CAMTA1: variants seen among roughly 807,000 people sequenced by gnomAD.
The protein encoded by CAMTA1 is calmodulin-binding transcription activator 1.
CAMTA1 carries 27 observed loss-of-function variants against 170.9 expected under a neutral mutation model. The observed-to-expected ratio is 0.16, with a 90% CI of 0.12 to 0.22. The LOEUF (loss-of-function observed/expected upper bound fraction) is 0.22. Among genes scored for constraint, CAMTA1 ranks in the 10% least tolerant of loss-of-function variants. The pLI, the probability that CAMTA1 is intolerant of heterozygous loss-of-function variation, is 1.00. For missense variants in CAMTA1, 1,619 were observed against 2,217.2 expected (o/e 0.73, Z 5.42); for synonymous variants, 833 against 891.5 (o/e 0.93, Z 1.17).
At chr1:7,156,188 C>A (rs772531392) in intron 4 of CAMTA1, among the ~76,000 whole-genome samples, 1 of 151,070 alleles carries the variant, frequency 6.6e-6, no homozygotes, top group Non-Finnish European at 1.5e-5. Context: ...GCAGGAGAAT[C>A]GCTTGAACCT....
At chr1:6,931,683 C>A (rs573621157) in intron 3 of CAMTA1, among the ~76,000 whole-genome samples, 1 of 152,186 alleles carries the variant, frequency 6.6e-6, no homozygotes, top group Non-Finnish European at 1.5e-5. Flanking sequence ...GCCTACGCTA[C>A]GTGGCTGGGC....
chr1:6,824,870 G>T (rs1646932675), intron 2 of CAMTA1, among the ~76,000 whole-genome samples: 1 of 152,128 alleles, frequency 6.6e-6, no homozygotes, highest in African/African-American at 2.4e-5. Flanking sequence ...ATGTCAGGGA[G>T]CACAAGCCCG....
chr1:7,277,501 G>C (rs1396925630), intron 5 of CAMTA1, among the ~76,000 whole-genome samples: 1 of 143,022 alleles, frequency 7.0e-6, no homozygotes, highest in Non-Finnish European at 1.5e-5. Flanking sequence ...GTAAGAGAGA[G>C]AGACTCATTC....
chr1:7,741,540 C>T (rs10864312), intron 16 of CAMTA1, among the ~76,000 whole-genome samples: 27,741 of 150,144 alleles, frequency 0.18, 2,739 homozygotes, highest in Admixed American at 0.23. Context: ...CCAGCCTGGG[C>T]GACAGAGCGA....
At chr1:7,720,859 C>T (rs566318260) in intron 11 of CAMTA1, among the ~76,000 whole-genome samples, 3 of 152,300 alleles carry the variant, frequency 2.0e-5, no homozygotes, top group African/African-American at 7.2e-5. Flanking sequence ...GCCGGGCAGA[C>T]ACTTGCTTTC....
chr1:7,325,486 G>A lies in CAMTA1; in HGVS notation c.438+75860G>A, dbSNP rs780542213. On this transcript the variant is annotated intron_variant, in intron 5 of 22. Coordinates refer to ENST00000303635, the MANE Select transcript of CAMTA1 (RefSeq NM_015215.4). This position sits in a 1 kb window ranked among gnomAD's most constrained non-coding sequence, Gnocchi z 5.0. ...GTTCAAAGACAGCAAGGAAGCCAGC[G>A]TGGCAGGGCCAGCTAGGATGCTAAT... is the stretch of plus-strand genomic sequence containing the variant. Among the ~76,000 whole-genome samples the A allele has an allele frequency of 4.6e-5, 7 of 152,210 alleles. No homozygotes were observed. Among genetic ancestry groups the A allele is most frequent in the African/African-American group, 7.2e-5 (3 of 41,454 alleles).
chr1:7,182,455 C>G (rs113320376), intron 4 of CAMTA1, among the ~76,000 whole-genome samples: 2,159 of 150,294 alleles, frequency 0.014, 48 homozygotes, highest in African/African-American at 0.049. Context: ...GATCGTGCCA[C>G]TGTACTCCGG....
chr1:6,997,456 C>T (rs972296316), intron 3 of CAMTA1, among the ~76,000 whole-genome samples: 3 of 152,050 alleles, frequency 2.0e-5, no homozygotes, highest in Non-Finnish European at 2.9e-5. Context: ...AAGCATGTCG[C>T]GTCTCTCCCT....
intron 5 of CAMTA1, among the ~76,000 whole-genome samples, chr1:7,311,678 CT>C (rs1676750493): frequency 6.6e-6 from 1 of 151,994 alleles, no homozygotes; most frequent in Non-Finnish European, 1.5e-5. Context: ...TGTGATGAGA[CT>C]CTAGGTCATG....
At chr1:7,288,347 G>C (rs1366353369) in intron 5 of CAMTA1, among the ~76,000 whole-genome samples, 1 of 152,156 alleles carries the variant, frequency 6.6e-6, no homozygotes, top group Non-Finnish European at 1.5e-5. Context: ...ATTTTACTTT[G>C]CATTGTGGTT....
At chr1:6,954,725 C>T (rs1689129916) in intron 3 of CAMTA1, among the ~76,000 whole-genome samples, 1 of 152,168 alleles carries the variant, frequency 6.6e-6, no homozygotes, top group South Asian at 2.1e-4. Flanking sequence ...CCGCGAGTGC[C>T]TTTGAAAGCC....
intron 16 of CAMTA1, among the ~76,000 whole-genome samples, chr1:7,739,025 A>G (rs957063956): frequency 6.6e-6 from 1 of 152,198 alleles, no homozygotes; most frequent in African/African-American, 2.4e-5. Context: ...AAAATTCCAG[A>G]ATCTTTTCAG....
At chr1:7,203,924 C>T (rs1261700555) in intron 4 of CAMTA1, among the ~76,000 whole-genome samples, 6 of 151,328 alleles carry the variant, frequency 4.0e-5, no homozygotes, top group African/African-American at 9.7e-5. Flanking sequence ...CTCCGCCTCC[C>T]GGGTTCATGC....
intron 5 of CAMTA1, among the ~76,000 whole-genome samples, chr1:7,369,686 G>T (rs1354265803): frequency 1.3e-5 from 2 of 152,000 alleles, no homozygotes; most frequent in East Asian, 1.9e-4. Context: ...TCTTTACTGG[G>T]GCTCACACAT....
At chr1:6,982,297 T>C (rs1694569977) in intron 3 of CAMTA1, among the ~76,000 whole-genome samples, 1 of 152,100 alleles carries the variant, frequency 6.6e-6, no homozygotes, top group African/African-American at 2.4e-5. Flanking sequence ...AGAGCAGCAA[T>C]GGGGAGAACA....
intron 4 of CAMTA1, among the ~76,000 whole-genome samples, chr1:7,126,108 C>T (rs1410141755): frequency 6.6e-6 from 1 of 152,136 alleles, no homozygotes; most frequent in South Asian, 2.1e-4. Context: ...TTCCATGAGA[C>T]TTTTTCACTA....
chr1:7,050,568 T>C lies in CAMTA1; in HGVS notation c.235-40736T>C, dbSNP rs1706175363. Among the ~76,000 whole-genome samples, 2 of 152,206 alleles carry C rather than the reference T, an allele frequency of 1.3e-5. No homozygotes were observed. Among genetic ancestry groups the C allele is most frequent in the African/African-American group, 4.8e-5 (2 of 41,448 alleles). On this transcript the variant is annotated intron_variant, in intron 3 of 22. Coordinates refer to ENST00000303635, the MANE Select transcript of CAMTA1 (RefSeq NM_015215.4). This position sits in a 1 kb window ranked among gnomAD's most constrained non-coding sequence, Gnocchi z 4.8. ...ACTTCAGACTTCTGCAAACGTCACC[T>C]GGCAGTGCCCAGTTGAGATATCTGT...
chr1:7,246,243 G>A (rs1341165206), intron 4 of CAMTA1, among the ~76,000 whole-genome samples: 1 of 152,170 alleles, frequency 6.6e-6, no homozygotes, highest in Non-Finnish European at 1.5e-5. Context: ...ATTATATGCT[G>A]GGAATGATAA....
intron 5 of CAMTA1, among the ~76,000 whole-genome samples, chr1:7,358,892 T>A (rs1009580518): frequency 2.0e-5 from 3 of 152,014 alleles, no homozygotes; most frequent in Non-Finnish European, 4.4e-5. Flanking sequence ...AAGGAGTGGA[T>A]CTCTGATGGG....
Sources: gnomAD v4.1 joint callset for allele counts (sites outside exome capture counted in the v4.1 genomes callset) on GRCh38, gnomAD v4.1.1 for gene constraint, Gnocchi (gnomAD v3.1) non-coding constraint, MANE v1.5 for transcripts, NCBI Gene and HGNC (gene_info 2026-07-23, HGNC 2026-07-21) for gene names.